The following SLC24A2 variants were observed in gnomAD, a reference collection of about 807,000 sequenced individuals.
SLC24A2 encodes the protein solute carrier family 24 member 2.
In SLC24A2, 36 loss-of-function variants were observed where a neutral mutation model predicts 62.0. The ratio of observed to expected loss-of-function variants is 0.58; its 90% CI spans 0.44 to 0.77. The LOEUF (loss-of-function observed/expected upper bound fraction) is 0.77, where lower values mean the gene tolerates loss of function less well. Among genes scored for constraint, SLC24A2 ranks in the 30% least tolerant of loss-of-function variants. SLC24A2 has a pLI of 0.00. For missense variants in SLC24A2, 846 were observed against 817.9 expected (o/e 1.03, Z -0.42); for synonymous variants, 358 against 294.0 (o/e 1.22, Z -2.23).
At chr9:19,963,156 G>T in the SLC24A2 span, among the ~76,000 whole-genome samples, 1 of 145,110 alleles carries the variant, frequency 6.9e-6, no homozygotes. Flanking sequence ...GGGAAAACTG[G>T]CTAGCCATAT....
At chr9:19,696,455 C>T (rs1222895528) in intron 2 of SLC24A2, among the ~76,000 whole-genome samples, 1 of 152,136 alleles carries the variant, frequency 6.6e-6, no homozygotes, top group Non-Finnish European at 1.5e-5. Context: ...ACTCTGTACG[C>T]CATGCTTGTC....
chr9:19,652,709 T>G (rs1200430011), intron 2 of SLC24A2, among the ~76,000 whole-genome samples: 1 of 152,202 alleles, frequency 6.6e-6, no homozygotes, highest in African/African-American at 2.4e-5. Context: ...TGGTTGTAAT[T>G]TATACTGGTA....
the SLC24A2 span, among the ~76,000 whole-genome samples, chr9:20,255,897 T>C: frequency 2.0e-5 from 3 of 152,202 alleles, no homozygotes; most frequent in East Asian, 5.8e-4. Context: ...AGTCCACTTG[T>C]GCTGCTATGG....
the SLC24A2 span, among the ~76,000 whole-genome samples, chr9:20,084,080 C>A: frequency 3.9e-5 from 6 of 152,326 alleles, no homozygotes; most frequent in East Asian, 7.7e-4. Flanking sequence ...CAGATCTTGG[C>A]TTTTCACCGT....
At chr9:19,722,526 G>C (rs1197784107) in intron 2 of SLC24A2, among the ~76,000 whole-genome samples, 2 of 151,924 alleles carry the variant, frequency 1.3e-5, no homozygotes, top group South Asian at 4.1e-4. Context: ...AAAAAGTGCA[G>C]GATAAGTCAA....
chr9:20,205,697 A>G, the SLC24A2 span, among the ~76,000 whole-genome samples: 1 of 150,524 alleles, frequency 6.6e-6, no homozygotes, highest in African/African-American at 2.4e-5. Flanking sequence ...CGTTTACCTC[A>G]GGTTATTCAG....
intron 2 of SLC24A2, among the ~76,000 whole-genome samples, chr9:19,754,531 CT>C (rs2118825561): frequency 6.6e-6 from 1 of 152,246 alleles, no homozygotes; most frequent in African/African-American, 2.4e-5. Context: ...GCCCTTGCAG[CT>C]GGGTGCAGGG....
chr9:19,528,676 A>G (rs1833546475), intron 8 of SLC24A2, among the ~76,000 whole-genome samples: 1 of 152,182 alleles, frequency 6.6e-6, no homozygotes, highest in Non-Finnish European at 1.5e-5. Context: ...ATTATCAAGA[A>G]AGTCACACAG....
At chr9:20,082,433 A>G in the SLC24A2 span, among the ~76,000 whole-genome samples, 2 of 152,296 alleles carry the variant, frequency 1.3e-5, no homozygotes, top group Non-Finnish European at 1.5e-5. Context: ...CTATTTGCAG[A>G]GTTCTGTCAG....
At chr9:20,051,457 A>T in the SLC24A2 span, among the ~76,000 whole-genome samples, 2 of 152,064 alleles carry the variant, frequency 1.3e-5, no homozygotes, top group Non-Finnish European at 2.9e-5. Flanking sequence ...CAGCATGGAT[A>T]GATAAGATGT....
chr9:20,150,842 A>G, the SLC24A2 span, among the ~76,000 whole-genome samples: 3 of 152,128 alleles, frequency 2.0e-5, no homozygotes, highest in East Asian at 5.8e-4. Context: ...CATGTAATAT[A>G]TAGAGAAAGA....
chr9:20,297,855 C>A, the SLC24A2 span, among the ~76,000 whole-genome samples: 237 of 152,384 alleles, frequency 1.6e-3, no homozygotes, highest in African/African-American at 5.2e-3. Flanking sequence ...GCTCCACCCC[C>A]ACCCACCATC....
chr9:19,767,454 G>C (rs1822551216), intron 2 of SLC24A2, among the ~76,000 whole-genome samples: 1 of 152,212 alleles, frequency 6.6e-6, no homozygotes, highest in African/African-American at 2.4e-5. Context: ...GGAATCTCCT[G>C]GTCTGCGGGT....
At chr9:20,129,728 A>G in the SLC24A2 span, among the ~76,000 whole-genome samples, 2 of 152,112 alleles carry the variant, frequency 1.3e-5, no homozygotes, top group Non-Finnish European at 2.9e-5. Context: ...AAAATAGGCA[A>G]ATCCATGGAG....
At chr9:19,581,683 T>C (rs1836214810) in intron 5 of SLC24A2, among the ~76,000 whole-genome samples, 1 of 152,200 alleles carries the variant, frequency 6.6e-6, no homozygotes. Flanking sequence ...AATTGATGCC[T>C]AGCACCTGCA....
the SLC24A2 span, among the ~76,000 whole-genome samples, chr9:19,994,430 C>T: frequency 2.0e-5 from 3 of 152,150 alleles, no homozygotes; most frequent in African/African-American, 7.2e-5. Context: ...CATACAAATT[C>T]CTGACTAGAA....
At chr9:20,275,898 C>G in the SLC24A2 span, among the ~76,000 whole-genome samples, 5 of 152,038 alleles carry the variant, frequency 3.3e-5, no homozygotes, top group Non-Finnish European at 7.4e-5. Flanking sequence ...TCAGGTCTCG[C>G]GAGACTTATT....
the SLC24A2 span, among the ~76,000 whole-genome samples, chr9:19,908,492 A>C: frequency 1.2e-3 from 185 of 152,278 alleles, no homozygotes; most frequent in South Asian, 2.1e-3. Context: ...AATGGGATCT[A>C]ATTAAACTAA....
intron 2 of SLC24A2, among the ~76,000 whole-genome samples, chr9:19,681,628 A>C (rs1819725933): frequency 6.6e-6 from 1 of 152,116 alleles, no homozygotes; most frequent in Admixed American, 6.6e-5. Context: ...CCATGTCTCC[A>C]TCTTCTTTGC....
Sources: allele counts gnomAD v4.1 joint callset (sites outside exome capture counted in the v4.1 genomes callset), GRCh38; gene constraint gnomAD v4.1.1; transcripts MANE v1.5; gene names NCBI Gene and HGNC (gene_info 2026-07-23, HGNC 2026-07-21).